The following PDE5A variants were observed in gnomAD, a reference collection of about 807,000 sequenced individuals.
PDE5A encodes phosphodiesterase 5A, also known as cGMP-specific 3',5'-cyclic phosphodiesterase.
Under a neutral mutation model 110.2 loss-of-function variants are expected in PDE5A, and 67 were observed. The ratio of observed to expected loss-of-function variants is 0.61; its 90% CI spans 0.50 to 0.75. The LOEUF (loss-of-function observed/expected upper bound fraction) is 0.75, where lower values mean the gene tolerates loss of function less well. PDE5A is among the 30% of genes least tolerant of loss of function. The pLI, the probability that PDE5A is intolerant of heterozygous loss-of-function variation, is 0.00. For missense variants in PDE5A, 862 were observed against 1,045.1 expected, an observed-to-expected ratio of 0.82 and a Z score of 2.42; for synonymous variants, 328 against 351.2, an observed-to-expected ratio of 0.93 and a Z score of 0.74.
chr4:119,514,839 T>C (rs1347297638), intron 14 of PDE5A, among the ~76,000 whole-genome samples: 1 of 152,204 alleles, frequency 6.6e-6, no homozygotes, highest in Non-Finnish European at 1.5e-5. Flanking sequence ...TTAATCCTTA[T>C]GAAAATCCCA....
intron 14 of PDE5A, among the ~76,000 whole-genome samples, chr4:119,517,865 T>C (rs949777234): frequency 6.6e-6 from 1 of 152,152 alleles, no homozygotes; most frequent in Non-Finnish European, 1.5e-5. Context: ...TATACATCTT[T>C]TCATATCAGT....
Position 119,552,628 on chromosome 4 carries a change from T to C in PDE5A, c.1318A>G (p.Thr440Ala). 6.5e-7 allele frequency: 1 copy of C among 1,528,646 alleles called. No homozygotes were observed. Among genetic ancestry groups the C allele is most frequent in the Middle Eastern group, 1.7e-4 (1 of 5,868 alleles). The allele number at this position is 1,528,646 out of a possible 1,614,324, so 94.7% of individuals were successfully genotyped here. Residue 440 changes from threonine (T) to alanine (A), a missense_variant, in exon 9 of 21, where the codon ACA (threonine) becomes GCA (alanine). Transcript: ENST00000354960. ...DKRFPWTTEN[T>A]GNVNQQCIRS... Reference sequence around the variant, plus strand: ...ATGCACTGCTGGTTTACATTTCCTGTATTTTCAGTCTAAACAAAAATAAAA... The same window carrying C: ...ATGCACTGCTGGTTTACATTTCCTGCATTTTCAGTCTAAACAAAAATAAAA...
At chr4:119,625,431 C>T (rs75483765) in intron 1 of PDE5A, among the ~76,000 whole-genome samples, 6,123 of 152,190 alleles carry the variant, frequency 0.04, 172 homozygotes, top group Middle Eastern at 0.088. Context: ...AATGCCAGAA[C>T]CTTGATGTTC....
chr4:119,548,104 A>C, intron 9 of PDE5A: 1 of 125,140 alleles, frequency 8.0e-6, no homozygotes, highest in African/African-American at 3.1e-5. Flanking sequence ...GCCGGATTGC[A>C]GTGGCACAAT....
intron 19 of PDE5A, among the ~76,000 whole-genome samples, chr4:119,501,541 T>A (rs2110451785): frequency 6.6e-6 from 1 of 152,294 alleles, no homozygotes; most frequent in Middle Eastern, 3.4e-3. Context: ...TCAAGGGATC[T>A]GACTGCCTTG....
chr4:119,496,996 A>G lies in PDE5A; in HGVS notation c.*1605T>C, dbSNP rs946296458. 6.6e-6 allele frequency: 1 copy of G among 152,144 alleles called. No individual in the cohort carries two copies. Among genetic ancestry groups the G allele is most frequent in the Non-Finnish European group, 1.5e-5 (1 of 67,994 alleles). 9.4% of individuals were successfully genotyped at this position (152,144 alleles called of 1,614,324 possible). A position where few individuals can be genotyped will look rare whatever the true frequency, so the allele number is the denominator to read the frequency against. ...AAATAAAACTGCATTATGTCAAGATATTTGTACACACTCAGAATTTTAAAA... is the reference window on the plus strand; with the variant it reads ...AAATAAAACTGCATTATGTCAAGATGTTTGTACACACTCAGAATTTTAAAA... On this transcript the variant is annotated 3_prime_UTR_variant, in exon 21 of 21. Transcript: ENST00000354960.
At chr4:119,604,482 C>G (rs905820108) in intron 2 of PDE5A, among the ~76,000 whole-genome samples, 13 of 152,152 alleles carry the variant, frequency 8.5e-5, no homozygotes, top group Admixed American at 7.2e-4. Flanking sequence ...ATTCTGCAAA[C>G]TTGGCAGCAA....
intron 3 of PDE5A, among the ~76,000 whole-genome samples, chr4:119,572,784 C>T (rs959415395): frequency 1.3e-5 from 2 of 152,082 alleles, no homozygotes; most frequent in Non-Finnish European, 1.5e-5. Context: ...GGTCCAGGCA[C>T]AAAAGACGCA....
At chr4:119,542,370 AACAC>A in intron 10 of PDE5A, 85 bp downstream of exon 10, 1 of 1,199,496 alleles carries the variant, frequency 8.3e-7, no homozygotes, top group Non-Finnish European at 1.2e-6. Flanking sequence ...ACAATGACGG[AACAC>A]ACACACACCA....
chr4:119,617,816 G>T (rs142116573), intron 1 of PDE5A, among the ~76,000 whole-genome samples: 1 of 152,104 alleles, frequency 6.6e-6, no homozygotes, highest in East Asian at 1.9e-4. Flanking sequence ...AATTATAATG[G>T]CCTAGTACCG....
intron 19 of PDE5A, among the ~76,000 whole-genome samples, chr4:119,501,456 C>T (rs560349530): frequency 6.6e-6 from 1 of 152,208 alleles, no homozygotes; most frequent in Non-Finnish European, 1.5e-5. Flanking sequence ...TGCAGTACCA[C>T]GCCTGGCTGA....
At position 119,531,217 on chromosome 4, in the gene PDE5A, C is replaced by A. The variant is rs1043725448; in HGVS notation, c.1633-5522G>T. Among the ~76,000 whole-genome samples, 5 of 152,224 alleles carry A rather than the reference C, an allele frequency of 3.3e-5. No individual in the cohort carries two copies. The East Asian group carries it at 9.7e-4, about 29-fold the overall frequency. Reference sequence around the variant, plus strand: ...CTTACAAAATATGACATATTTTCCCCCAGTAAGCTTTCCACCTACCTAATT... The same window carrying A: ...CTTACAAAATATGACATATTTTCCCACAGTAAGCTTTCCACCTACCTAATT... On this transcript the variant is annotated intron_variant, in intron 11 of 20. Transcript: ENST00000354960.
intron 1 of PDE5A, among the ~76,000 whole-genome samples, chr4:119,614,254 G>T (rs1442457615): frequency 4.6e-5 from 7 of 152,052 alleles, no homozygotes; most frequent in East Asian, 1.9e-4. Flanking sequence ...GTACTGAAAA[G>T]AAGTATAATA....
rs572718750 is a variant in PDE5A, at chr4:119,619,165, A to G, written c.152+9355T>C. 1.5e-3 allele frequency among the ~76,000 whole-genome samples: 222 copies of G among 152,286 alleles called. 1 individual carries two copies. In the Middle Eastern group the frequency reaches 0.024, roughly 16 times the overall value. ...AGGGAAAACACAAAATAACTCACAT[A>G]AAAAATTATGTTGGCTACTTTTCCT... On this transcript the variant is annotated intron_variant, in intron 1 of 20. Coordinates refer to ENST00000354960, the MANE Select transcript of PDE5A (RefSeq NM_001083.4).
At chr4:119,549,351 C>G (rs1385611807) in intron 9 of PDE5A, 1 of 152,184 alleles carries the variant, frequency 6.6e-6, no homozygotes, top group Non-Finnish European at 1.5e-5. Flanking sequence ...GTGTAAGAGA[C>G]TTAGAAAATT....
Position 119,502,672 on chromosome 4 carries a change from ACT to A in PDE5A, c.2332-19_2332-18del, listed in dbSNP as rs764013006. ...TTCTGCTATCTGAAATAAATAACAG[ACT>A]CAGTTTTGACAATGAAAAGCATATC... On this transcript the variant is annotated intron_variant, in intron 18 of 20. Coordinates refer to ENST00000354960, the MANE Select transcript of PDE5A (RefSeq NM_001083.4). The A allele has an allele frequency of 1.6e-5, 25 of 1,528,048 alleles. No homozygotes were observed. In the African/African-American group the frequency reaches 1.9e-4, roughly 12 times the overall value. The allele number at this position is 1,528,048 out of a possible 1,614,324, so 94.7% of individuals were successfully genotyped here.
chr4:119,552,308 T>A (rs1489187609), intron 9 of PDE5A: 1 of 263,804 alleles, frequency 3.8e-6, no homozygotes, highest in Non-Finnish European at 7.1e-6. Flanking sequence ...TTTCAATACA[T>A]CATCAATCAT....
chr4:119,586,581 A>C (rs958068841), intron 3 of PDE5A, among the ~76,000 whole-genome samples: 2 of 152,190 alleles, frequency 1.3e-5, no homozygotes, highest in Non-Finnish European at 2.9e-5. Context: ...CATGAAAATT[A>C]TTTTATAGTC....
Position 119,560,302 on chromosome 4 carries a change from A to C in PDE5A, c.1193T>G (p.Leu398Ter). 1.3e-6 allele frequency: 2 copies of C among 1,572,060 alleles called. No homozygotes were observed. Among genetic ancestry groups the C allele is most frequent in the Non-Finnish European group, 1.7e-6 (2 of 1,152,700 alleles). The change falls in exon 7 of 21, where the codon TTA (leucine) becomes TGA (stop). Residue 398 changes from leucine (L) to a stop codon, truncating the protein, a stop_gained. Transcript: ENST00000354960. LOFTEE classifies it high-confidence loss of function. ...AGAGAATACGTGCTTTTACCTTGTT[A>C]ATGTATCAGATGATTTTTCTAATTC... is the stretch of plus-strand genomic sequence containing the variant. The part of the protein sequence containing the change: ...CEELEKSSDT[L>*]TREHDANKIN...
Sources: gnomAD v4.1 joint callset for allele counts (sites outside exome capture counted in the v4.1 genomes callset) on GRCh38, gnomAD v4.1.1 for gene constraint, MANE v1.5 for transcripts, NCBI Gene and HGNC (gene_info 2026-07-23, HGNC 2026-07-21) for gene names.